LCLAT1: variants seen among roughly 807,000 people sequenced by gnomAD.
The protein encoded by LCLAT1 is 1-AGP acyltransferase 8.
A neutral mutation model predicts 30.7 loss-of-function variants in LCLAT1; 11 were observed. That is an observed-to-expected ratio of 0.36 (90% CI 0.23 to 0.59). LCLAT1 has a LOEUF of 0.59. LCLAT1 is among the 20% of genes least tolerant of loss of function. LCLAT1 has a pLI of 0.77. For missense variants in LCLAT1, 402 were observed against 458.6 expected, an observed-to-expected ratio of 0.88 and a Z score of 1.13; for synonymous variants, 155 against 151.3, an observed-to-expected ratio of 1.02 and a Z score of -0.18.
At chr2:30,529,096 C>G (rs1685871489) in intron 2 of LCLAT1, among the ~76,000 whole-genome samples, 1 of 152,046 alleles carries the variant, frequency 6.6e-6, no homozygotes, top group South Asian at 2.1e-4. Context: ...TATTGATGTA[C>G]TTTATTTTAA....
intron 1 of LCLAT1, among the ~76,000 whole-genome samples, chr2:30,513,825 T>G: frequency 6.6e-6 from 1 of 152,190 alleles, no homozygotes; most frequent in East Asian, 1.9e-4. Flanking sequence ...GCCCCCTCCC[T>G]GCTTCGAGTT....
intron 5 of LCLAT1, among the ~76,000 whole-genome samples, chr2:30,571,267 C>T (rs1004808506): frequency 2.0e-5 from 3 of 152,194 alleles, no homozygotes; most frequent in South Asian, 2.1e-4. Context: ...GATCAGCACA[C>T]CTGAACCAAA....
chr2:30,574,196 G>A (rs901448479), intron 5 of LCLAT1, among the ~76,000 whole-genome samples: 10 of 151,828 alleles, frequency 6.6e-5, no homozygotes, highest in African/African-American at 2.4e-4. Flanking sequence ...AAGAAATCAA[G>A]GTAAGGGAAA....
At chr2:30,640,042 C>A in intron 5 of LCLAT1, 75 bp from the exon 6 acceptor site, 1 of 1,224,716 alleles carries the variant, frequency 8.2e-7, no homozygotes, top group Non-Finnish European at 1.2e-6. Context: ...TCTGGTGCTG[C>A]CCTGCAGTGT....
chr2:30,517,245 C>T (rs1471447368), intron 1 of LCLAT1, among the ~76,000 whole-genome samples: 2 of 151,930 alleles, frequency 1.3e-5, no homozygotes, highest in Non-Finnish European at 1.5e-5. Context: ...AGTTGTATCT[C>T]CAAAGGGATC....
At position 30,640,138 on chromosome 2, in the gene LCLAT1, A is replaced by G. The variant is rs1350622365; in HGVS notation, c.650A>G (p.His217Arg). Residue 217 changes from histidine (H) to arginine (R), a missense_variant, in exon 6 of 6, where the codon CAT (histidine) becomes CGT (arginine). His to Arg is a conservative substitution (Grantham distance 29). Coordinates refer to ENST00000379509, the MANE Select transcript of LCLAT1 (RefSeq NM_001002257.3). ...LREGKNLDAV[H>R]DITVAYPHNI... ...CCAGGTAAGAACCTTGATGCTGTCCATGATATCACTGTGGCGTATCCTCAC... is the reference window on the plus strand; with the variant it reads ...CCAGGTAAGAACCTTGATGCTGTCCGTGATATCACTGTGGCGTATCCTCAC... 18 of 1,612,748 alleles carry G rather than the reference A, an allele frequency of 1.1e-5. No individual in the cohort carries two copies. The highest frequency in any genetic ancestry group is 2.7e-5 in the African/African-American group (2 of 74,918).
intron 5 of LCLAT1, among the ~76,000 whole-genome samples, chr2:30,573,096 T>G (rs1197532850): frequency 1.3e-5 from 2 of 152,226 alleles, no homozygotes; most frequent in Non-Finnish European, 2.9e-5. Flanking sequence ...GTACTTACTG[T>G]TAAAAATTGG....
chr2:30,491,829 T>C (rs542001132), intron 1 of LCLAT1, among the ~76,000 whole-genome samples: 152 of 152,292 alleles, frequency 1.0e-3, no homozygotes, highest in Non-Finnish European at 8.2e-4. Flanking sequence ...CAGGGGGAAG[T>C]GTACATGGCC....
At chr2:30,505,151 C>CTTTG (rs1422818215) in intron 1 of LCLAT1, among the ~76,000 whole-genome samples, 1 of 152,064 alleles carries the variant, frequency 6.6e-6, no homozygotes, top group Non-Finnish European at 1.5e-5. Context: ...AAGGAAACAT[C>CTTTG]TTTGTACATT....
chr2:30,568,022 T>C, intron 4 of LCLAT1, 38 bp from the exon 5 acceptor site: 2 of 1,063,594 alleles, frequency 1.9e-6, no homozygotes, highest in Non-Finnish European at 2.8e-6. Context: ...TTATTTCCCT[T>C]TAGTTTATGA....
rs574949090 is a variant in LCLAT1 at position 30,604,153 on chromosome 2, T to G, written c.629-35964T>G. On this transcript the variant is annotated intron_variant, in intron 5 of 5. Transcript: ENST00000379509. ...ACTAACTCTGGCCAGAGAGCAGATG[T>G]AATGAGTGTCATTTTGGGGCTACAA... is the stretch of plus-strand genomic sequence containing the variant. 3.3e-5 allele frequency among the ~76,000 whole-genome samples: 5 copies of G among 152,290 alleles called. No homozygotes were observed. The South Asian group carries it at 1.0e-3, about 32-fold the overall frequency.
chr2:30,614,187 G>A (rs1667876898), intron 5 of LCLAT1, among the ~76,000 whole-genome samples: 1 of 79,756 alleles, frequency 1.3e-5, no homozygotes, highest in African/African-American at 5.2e-5. Context: ...AGGGAGTGGT[G>A]ATGACTCTTA....
chr2:30,562,849 T>G (rs755609679), intron 4 of LCLAT1, among the ~76,000 whole-genome samples: 13 of 152,314 alleles, frequency 8.5e-5, no homozygotes, highest in Non-Finnish European at 1.3e-4. Flanking sequence ...AGCGTCTTCC[T>G]CATAAGAAAA....
chr2:30,573,715 T>C (rs1308980267), intron 5 of LCLAT1, among the ~76,000 whole-genome samples: 1 of 152,228 alleles, frequency 6.6e-6, no homozygotes, highest in Admixed American at 6.5e-5. Context: ...TATGAATGCT[T>C]TTCCTACTAG....
intron 5 of LCLAT1, among the ~76,000 whole-genome samples, chr2:30,574,856 AT>A (rs1232706963): frequency 6.6e-6 from 1 of 152,182 alleles, no homozygotes; most frequent in Non-Finnish European, 1.5e-5. Flanking sequence ...GCTTACTGAG[AT>A]TTCACACATG....
intron 5 of LCLAT1, among the ~76,000 whole-genome samples, chr2:30,593,922 CAA>C (rs35889899): frequency 0.13 from 18,157 of 134,704 alleles, 1,226 homozygotes; most frequent in South Asian, 0.24. Flanking sequence ...GATCCTGTCT[CAA>C]AAAAAAAAAA....
intron 1 of LCLAT1, chr2:30,459,609 A>T (rs770300081): frequency 6.2e-7 from 1 of 1,601,690 alleles, no homozygotes; most frequent in Non-Finnish European, 8.6e-7. Context: ...GGATGATGTG[A>T]TATATGCATT....
chr2:30,448,490 AT>A (rs1445758915), intron 1 of LCLAT1, among the ~76,000 whole-genome samples: 1 of 152,188 alleles, frequency 6.6e-6, no homozygotes, highest in Admixed American at 6.5e-5. Flanking sequence ...AGTAGGCTTG[AT>A]TTTATGGAGT....
At chr2:30,582,888 G>C (rs936812043) in intron 5 of LCLAT1, among the ~76,000 whole-genome samples, 1 of 152,194 alleles carries the variant, frequency 6.6e-6, no homozygotes, top group African/African-American at 2.4e-5. Context: ...GCAGCCTTAA[G>C]TTCCATTGGC....
Sources: allele counts gnomAD v4.1 joint callset (sites outside exome capture counted in the v4.1 genomes callset), GRCh38; gene constraint gnomAD v4.1.1; transcripts MANE v1.5; gene names NCBI Gene and HGNC (gene_info 2026-07-23, HGNC 2026-07-21).